The following PLD5 variants were observed in gnomAD, a reference collection of about 807,000 sequenced individuals.
The protein encoded by PLD5 is phospholipase D family member 5.
PLD5 carries 36 observed loss-of-function variants against 61.1 expected under a neutral mutation model. That is an observed-to-expected ratio of 0.59 (90% confidence interval 0.45 to 0.78). The LOEUF (loss-of-function observed/expected upper bound fraction) is 0.78. PLD5 is among the 30% of genes least tolerant of loss of function. The probability of loss-of-function intolerance (pLI) is 0.00; values close to 1 mark genes in which losing one functional copy is unlikely to be tolerated. For missense variants in PLD5, 515 were observed against 644.4 expected, an observed-to-expected ratio of 0.80 and a Z score of 2.17; for synonymous variants, 243 against 242.8, an observed-to-expected ratio of 1.00 and a Z score of -0.01.
At chr1:242,440,705 C>T (rs1385981211) in intron 1 of PLD5, among the ~76,000 whole-genome samples, 2 of 152,244 alleles carry the variant, frequency 1.3e-5, no homozygotes, top group East Asian at 3.8e-4. Context: ...CATCCACAGA[C>T]TTCTCTTCCT....
chr1:242,151,707 A>G (rs974440962), intron 5 of PLD5, among the ~76,000 whole-genome samples: 1 of 152,038 alleles, frequency 6.6e-6, no homozygotes, highest in African/African-American at 2.4e-5. Flanking sequence ...TCCATCATTA[A>G]TTTTTGGAAC....
chr1:242,350,064 G>A (rs970999250), intron 1 of PLD5, among the ~76,000 whole-genome samples: 2 of 151,440 alleles, frequency 1.3e-5, no homozygotes, highest in African/African-American at 4.8e-5. Flanking sequence ...GAAAAAAAAA[G>A]GCCTTAAAGA....
rs2754422 is a variant in PLD5, at chr1:242,263,303, C to T, written c.607+2034G>A. 4.4e-3 allele frequency among the ~76,000 whole-genome samples: 666 copies of T among 150,374 alleles called. 4 individuals carry two copies. Among genetic ancestry groups the T allele is most frequent in the African/African-American group, 0.015 (616 of 40,616 alleles). On this transcript the variant is annotated intron_variant, in intron 4 of 9. Coordinates refer to ENST00000536534, the MANE Select transcript of PLD5 (RefSeq NM_001372062.1). ...TTATTTTATATTTACCTATTTTTTT[C>T]GTGGGATATTTCTGGAAAAAACTTT...
In PLD5 at chr1:242,393,633, T is replaced by C. The variant is rs186187292; in HGVS notation, c.190-45391A>G. Among the ~76,000 whole-genome samples the C allele has an allele frequency of 5.2e-4, 54 of 104,522 alleles. 2 individuals carry two copies. Among genetic ancestry groups the C allele is most frequent in the Admixed American group, 1.0e-3 (9 of 8,656 alleles). The allele number at this position is 104,522 out of a possible 152,430, so 68.6% of individuals were successfully genotyped here. ...ATATATGTGTATATATATGAGTATA[T>C]ATATGTGTATATATATGAGTATATA... On this transcript the variant is annotated intron_variant, in intron 1 of 9. Transcript: ENST00000536534.
At chr1:242,492,388 G>T in intron 1 of PLD5, among the ~76,000 whole-genome samples, 1 of 151,856 alleles carries the variant, frequency 6.6e-6, no homozygotes, top group African/African-American at 2.4e-5. Context: ...TGGGCATGGT[G>T]GTGGGTGCCT....
intron 1 of PLD5, among the ~76,000 whole-genome samples, chr1:242,480,985 T>A (rs190452134): frequency 6.6e-6 from 1 of 152,280 alleles, no homozygotes; most frequent in East Asian, 1.9e-4. Context: ...ACTTAGTACT[T>A]TTTTTAGAAT....
chr1:242,510,573 C>T (rs553200261), intron 1 of PLD5, among the ~76,000 whole-genome samples: 5 of 152,250 alleles, frequency 3.3e-5, no homozygotes, highest in South Asian at 4.2e-4. Flanking sequence ...GGGCCCGGTG[C>T]GGTGGCTCAC....
chr1:242,279,444 CA>C (rs1307872574), intron 3 of PLD5, among the ~76,000 whole-genome samples: 1 of 152,174 alleles, frequency 6.6e-6, no homozygotes, highest in African/African-American at 2.4e-5. Context: ...AAAATCTCCC[CA>C]GGTGACTCTG....
chr1:242,155,343 A>G (rs564036236), intron 5 of PLD5, among the ~76,000 whole-genome samples: 3 of 151,444 alleles, frequency 2.0e-5, no homozygotes, highest in Admixed American at 6.6e-5. Context: ...TCGTGTCTCT[A>G]TCTCCTTCAG....
intron 1 of PLD5, among the ~76,000 whole-genome samples, chr1:242,395,117 ATATG>A (rs1227187959): frequency 3.4e-5 from 5 of 147,824 alleles, no homozygotes; most frequent in Admixed American, 6.8e-5. Context: ...ATATGAATAT[ATATG>A]TATGTATATG....
At chr1:242,417,686 GC>G (rs1253813470) in intron 1 of PLD5, among the ~76,000 whole-genome samples, 1 of 152,218 alleles carries the variant, frequency 6.6e-6, no homozygotes, top group Non-Finnish European at 1.5e-5. Flanking sequence ...CCAGGGCTAA[GC>G]CCCCGTTATG....
chr1:242,282,590 A>G (rs1674774307), intron 3 of PLD5, among the ~76,000 whole-genome samples: 1 of 152,196 alleles, frequency 6.6e-6, no homozygotes, highest in African/African-American at 2.4e-5. Flanking sequence ...ATTTCACATA[A>G]ATACATCTCC....
chr1:242,336,069 CAA>C (rs1659484677), intron 2 of PLD5, among the ~76,000 whole-genome samples: 1 of 152,140 alleles, frequency 6.6e-6, no homozygotes, highest in African/African-American at 2.4e-5. Context: ...AAACATGTCT[CAA>C]AAACATGTGA....
At chr1:242,284,273 G>A (rs1674896384) in intron 3 of PLD5, among the ~76,000 whole-genome samples, 1 of 151,714 alleles carries the variant, frequency 6.6e-6, no homozygotes, top group Non-Finnish European at 1.5e-5. Context: ...GGGTAGCTGG[G>A]ATTACAGGCA....
rs368590105 is a variant in PLD5 at position 242,459,361 on chromosome 1, C to T, written c.189+64727G>A. Among the ~76,000 whole-genome samples the T allele has an allele frequency of 1.4e-4, 21 of 152,294 alleles. No individual in the cohort carries two copies. In the East Asian group the frequency reaches 2.5e-3, roughly 18 times the overall value. On this transcript the variant is annotated intron_variant, in intron 1 of 9. Coordinates refer to ENST00000536534, the MANE Select transcript of PLD5 (RefSeq NM_001372062.1). ...CTTTACCCGATGCTGAAGTTTTAGA[C>T]GGTATCTCTGAGGGGTTATCTAATC...
At chr1:242,153,612 C>A (rs1207937929) in intron 5 of PLD5, among the ~76,000 whole-genome samples, 1 of 152,098 alleles carries the variant, frequency 6.6e-6, no homozygotes, top group Admixed American at 6.5e-5. Context: ...AATAGGGAAT[C>A]CTTTCCCCAT....
intron 2 of PLD5, among the ~76,000 whole-genome samples, chr1:242,303,130 G>C (rs193258513): frequency 4.6e-5 from 7 of 152,292 alleles, no homozygotes; most frequent in Admixed American, 2.0e-4. Flanking sequence ...CATGAGGGAG[G>C]CATTGTTCAT....
chr1:242,129,131 T>C (rs749973921), intron 5 of PLD5, among the ~76,000 whole-genome samples: 1 of 152,304 alleles, frequency 6.6e-6, no homozygotes, highest in East Asian at 1.9e-4. Flanking sequence ...TCTCCCTGGG[T>C]ACTGTCTAGA....
At chr1:242,093,329 C>T (rs1367719758) in intron 9 of PLD5, among the ~76,000 whole-genome samples, 2 of 152,190 alleles carry the variant, frequency 1.3e-5, no homozygotes, top group Non-Finnish European at 2.9e-5. Flanking sequence ...ATCTTCTATT[C>T]ATTCCGTAAG....
Sources: gnomAD v4.1 joint callset for allele counts (sites outside exome capture counted in the v4.1 genomes callset) on GRCh38, gnomAD v4.1.1 for gene constraint, MANE v1.5 for transcripts, NCBI Gene and HGNC (gene_info 2026-07-23, HGNC 2026-07-21) for gene names.